MAP4K5: variants seen among roughly 807,000 people sequenced by gnomAD.
MAP4K5 encodes MAPK/ERK kinase kinase kinase 5.
MAP4K5 carries 82 observed loss-of-function variants against 135.6 expected under a neutral mutation model. That is an observed-to-expected ratio of 0.60 (90% confidence interval 0.51 to 0.73). MAP4K5 has a LOEUF of 0.73. Ranked by LOEUF, MAP4K5 falls within the 30% of genes least tolerant of loss-of-function variation. The pLI is 0.00. For missense variants in MAP4K5, 907 were observed against 1,010.9 expected (o/e 0.90, Z 1.39); for synonymous variants, 347 against 335.0 (o/e 1.04, Z -0.39).
At position 50,491,800 on chromosome 14, in the gene MAP4K5, C is replaced by A. The variant is rs552452874; in HGVS notation, c.167-5606G>T. On this transcript the variant is annotated intron_variant, in intron 3 of 32. Coordinates refer to ENST00000682126, the MANE Select transcript of MAP4K5 (RefSeq NM_006575.6). The stretch of plus-strand genomic sequence containing the variant: ...TCCTGGGCTCAAGCAATTCTCCCAC[C>A]TCAGCCTCCTAAGTAGCTGGGATTA... 1.1e-4 allele frequency among the ~76,000 whole-genome samples: 16 copies of A among 152,098 alleles called. No homozygotes were observed. In the South Asian group the frequency reaches 2.9e-3, roughly 28 times the overall value.
chr14:50,534,591 G>A (rs1314220024), upstream of MAP4K5, among the ~76,000 whole-genome samples: 2 of 152,200 alleles, frequency 1.3e-5, no homozygotes, highest in African/African-American at 4.8e-5. Flanking sequence ...CCTGGAGTGC[G>A]GATATTTTAT....
At chr14:50,557,709 T>A (rs1595577529) in intron 1 of MAP4K5, among the ~76,000 whole-genome samples, 1 of 152,234 alleles carries the variant, frequency 6.6e-6, no homozygotes, top group South Asian at 2.1e-4. Context: ...ATTAAACTTA[T>A]GATTAAAAAG....
At position 50,462,790 on chromosome 14, in the gene MAP4K5, C is replaced by A. The variant is rs11624731; in HGVS notation, c.820-9G>T. 1 allele frequency: 1,560,443 copies of A among 1,562,396 alleles called. 779,267 individuals carry two copies. The highest frequency in any genetic ancestry group is 1 in the East Asian group (44,506 of 44,506). On this transcript the variant is annotated splice_polypyrimidine_tract_variant and intron_variant, in intron 12 of 32. Coordinates refer to ENST00000682126, the MANE Select transcript of MAP4K5 (RefSeq NM_006575.6). ...TGTGCAACAAAAGTGTGCTAAAAGA[C>A]AACAAAATGAAATTTCATGAGTATG...
chr14:50,433,056 C>T (rs1265537236), intron 28 of MAP4K5, among the ~76,000 whole-genome samples: 3 of 152,134 alleles, frequency 2.0e-5, no homozygotes, highest in East Asian at 1.9e-4. Flanking sequence ...AGGCCGGTCT[C>T]GAACTCCTGA....
chr14:50,493,735 G>T (rs1177867535), intron 3 of MAP4K5, among the ~76,000 whole-genome samples: 3 of 152,134 alleles, frequency 2.0e-5, no homozygotes, highest in African/African-American at 7.2e-5. Flanking sequence ...CGGGTGCAGT[G>T]GGTCACGCCT....
At chr14:50,507,283 T>G (rs1485003425) in intron 2 of MAP4K5, among the ~76,000 whole-genome samples, 1 of 152,246 alleles carries the variant, frequency 6.6e-6, no homozygotes, top group Non-Finnish European at 1.5e-5. Flanking sequence ...CCAATTTTGC[T>G]GATCTTTTCA....
chr14:50,503,062 G>A (rs1365338111), intron 3 of MAP4K5, among the ~76,000 whole-genome samples: 5 of 151,434 alleles, frequency 3.3e-5, no homozygotes, highest in Admixed American at 6.6e-5. Flanking sequence ...CAAATTTGTC[G>A]GAGAGAAAAA....
Position 50,418,992 on chromosome 14 carries a change from A to G in MAP4K5, c.*1027T>C, listed in dbSNP as rs1346179103. On this transcript the variant is annotated 3_prime_UTR_variant, in exon 33 of 33. Transcript: ENST00000682126. ...ATTTAAATATTTTTTTTCTTCTTCAACCTACTCAAAATGAATACCTACATA... is the reference window on the plus strand; with the variant it reads ...ATTTAAATATTTTTTTTCTTCTTCAGCCTACTCAAAATGAATACCTACATA... The G allele has an allele frequency of 2.0e-5, 3 of 152,126 alleles. No individual in the cohort carries two copies. Among genetic ancestry groups the G allele is most frequent in the South Asian group, 4.1e-4 (2 of 4,830 alleles). 9.4% of individuals were successfully genotyped at this position (152,126 alleles called of 1,614,324 possible).
intron 28 of MAP4K5, among the ~76,000 whole-genome samples, chr14:50,432,247 T>A (rs762594092): frequency 5.9e-5 from 9 of 152,292 alleles, no homozygotes; most frequent in African/African-American, 2.2e-4. Context: ...GTATAGCCTG[T>A]TTGTTCAACA....
chr14:50,485,645 A>AAT lies in MAP4K5; in HGVS notation c.258-5_258-4dup. The AAT allele has an allele frequency of 6.5e-7, 1 of 1,527,342 alleles. No homozygotes were observed. The allele number at this position is 1,527,342 out of a possible 1,614,324, so 94.6% of individuals were successfully genotyped here. A position where few individuals can be genotyped will look rare whatever the true frequency, so the allele number is the denominator to read the frequency against. ...TACAAATCCATAGTTTTTCCCGACT[A>AAT]ATACAAAAAAAAAAGAAAATTATAT... On this transcript the variant is annotated splice_region_variant and splice_polypyrimidine_tract_variant and intron_variant, in intron 4 of 32. Transcript: ENST00000682126.
chr14:50,464,573 G>A (rs1175785881), intron 11 of MAP4K5, among the ~76,000 whole-genome samples: 3 of 152,148 alleles, frequency 2.0e-5, no homozygotes, highest in Admixed American at 6.6e-5. Flanking sequence ...AGAAAAAAAG[G>A]CAAAGAGGAG....
At chr14:50,474,986 T>C (rs2037063379) in intron 9 of MAP4K5, 91 bp downstream of exon 9, 1 of 1,125,402 alleles carries the variant, frequency 8.9e-7, no homozygotes, top group South Asian at 1.3e-5. Flanking sequence ...TCCCTACTTT[T>C]AATTATTACT....
intron 32 of MAP4K5, 148 bp downstream of exon 32, chr14:50,422,973 T>C: frequency 2.0e-6 from 1 of 500,560 alleles, no homozygotes; most frequent in Non-Finnish European, 3.6e-6. Context: ...AAAATATTAC[T>C]AATTCTCTCA....
Position 50,464,489 on chromosome 14 carries a change from T to C in MAP4K5, c.738-356A>G, listed in dbSNP as rs191705029. Among the ~76,000 whole-genome samples the C allele has an allele frequency of 4.7e-3, 716 of 152,210 alleles. 8 individuals are homozygous for C. The highest frequency in any genetic ancestry group is 0.016 in the African/African-American group (684 of 41,550). ...TAAATATTGTGCTATACCAAAAGAG[T>C]TGGACGGCACGAAAGGTAGGCATGG... On this transcript the variant is annotated intron_variant, in intron 11 of 32. Transcript: ENST00000682126.
chr14:50,553,633 G>C (rs1367774923), intron 1 of MAP4K5, among the ~76,000 whole-genome samples: 2 of 152,116 alleles, frequency 1.3e-5, no homozygotes, highest in East Asian at 3.9e-4. Flanking sequence ...GTCATTATGT[G>C]AAAAAGATGA....
intron 3 of MAP4K5, among the ~76,000 whole-genome samples, chr14:50,503,700 C>A (rs1359630120): frequency 6.6e-6 from 1 of 152,022 alleles, no homozygotes; most frequent in Non-Finnish European, 1.5e-5. Flanking sequence ...ACCCTCAAGT[C>A]AAGTAAGTGA....
chr14:50,434,593 G>A (rs200642823), intron 27 of MAP4K5, 22 bp from the exon 28 acceptor site: 1 of 1,557,410 alleles, frequency 6.4e-7, no homozygotes, highest in Non-Finnish European at 8.7e-7. Context: ...ATAAACAATA[G>A]AGCCATAATT....
chr14:50,470,903 A>T (rs566894822), intron 9 of MAP4K5, among the ~76,000 whole-genome samples: 1 of 152,306 alleles, frequency 6.6e-6, no homozygotes, highest in Non-Finnish European at 1.5e-5. Context: ...AAATTACCAG[A>T]TATGGAATTA....
intron 2 of MAP4K5, among the ~76,000 whole-genome samples, chr14:50,522,587 CATTT>C (rs1384634885): frequency 6.6e-6 from 1 of 152,034 alleles, no homozygotes; most frequent in Non-Finnish European, 1.5e-5. Flanking sequence ...TTTAACATAA[CATTT>C]ATTTAATAAG....
Sources: gnomAD v4.1 joint callset for allele counts (sites outside exome capture counted in the v4.1 genomes callset) on GRCh38, gnomAD v4.1.1 for gene constraint, MANE v1.5 for transcripts, NCBI Gene and HGNC (gene_info 2026-07-23, HGNC 2026-07-21) for gene names.